Variants in E2F7 observed in about 807,000 individuals in gnomAD.
The protein encoded by E2F7 is transcription factor E2F7.
In E2F7, 35 loss-of-function variants were observed where a neutral mutation model predicts 81.1. That is an observed-to-expected ratio of 0.43 (90% CI 0.33 to 0.57). E2F7 has a LOEUF of 0.57. E2F7 is among the 20% of genes least tolerant of loss of function. The pLI is 0.04. For missense variants in E2F7, 961 were observed against 1,093.7 expected (o/e 0.88, Z 1.71); for synonymous variants, 416 against 416.2 (o/e 1.00, Z 0.01).
In E2F7 at chr12:77,043,069, T is replaced by G. The variant is rs764431999; in HGVS notation, c.1119A>C (p.Ser373=). ...FKWIGPVDFS[S]SDEELVDVSA... ...AGCAAAACCACGCCACCTTACCACTTGAGCTGAAGTCCACAGGCCCGATCC... is the reference window on the plus strand; with the variant it reads ...AGCAAAACCACGCCACCTTACCACTGGAGCTGAAGTCCACAGGCCCGATCC... Residue 373 remains serine (S), a synonymous_variant, in exon 7 of 13, where the codon TCA becomes TCC. Transcript: ENST00000322886. 6.2e-7 allele frequency: 1 copy of G among 1,614,066 alleles called. No homozygotes were observed. Among genetic ancestry groups the G allele is most frequent in the Non-Finnish European group, 8.5e-7 (1 of 1,179,952 alleles).
Position 77,030,000 on chromosome 12 carries a change from T to TCTGACC in E2F7, c.1709_1714dup (p.Gly570_Ser571dup), listed in dbSNP as rs774234769. 1.9e-6 allele frequency: 3 copies of TCTGACC among 1,614,214 alleles called. No individual in the cohort carries two copies. The East Asian group carries it at 6.7e-5, about 36-fold the overall frequency. On this transcript the variant is annotated inframe_insertion, in exon 10 of 13. Coordinates refer to ENST00000322886, the MANE Select transcript of E2F7 (RefSeq NM_203394.3). ...GGCTTCTGAGCTTCTGTCATCCCTC[T>TCTGACC]CTGACCCTGACCCTGACGCTGGTCC...
rs747968358 is a variant in E2F7, at chr12:77,030,279, G to A, written c.1436C>T (p.Pro479Leu). ...AGAGAGGACAGGGAAAGGAGCAACA[G>A]GGTCCAAGCTGCTTGATGGAGGCAC... is the stretch of plus-strand genomic sequence containing the variant. ...RVVPPSSSLD[P>L]VAPFPVLSVD... is the part of the protein sequence containing the mutation. The change falls in exon 10 of 13, where the codon CCT becomes CTT. Residue 479 changes from proline (P) to leucine (L), a missense_variant. Around this residue, in one of 3 missense-constraint regions of E2F7, gnomAD observed 587 missense variants for 620.3 expected, o/e 0.95. Transcript: ENST00000322886. 4 of 1,593,546 alleles carry A rather than the reference G, an allele frequency of 2.5e-6. No homozygotes were observed. In the South Asian group the frequency reaches 3.4e-5, roughly 14 times the overall value.
rs745577385 is a variant in E2F7, at chr12:77,024,093, C to T, written c.2658G>A (p.Lys886=). The T allele has an allele frequency of 1.2e-6, 2 of 1,614,094 alleles. No individual in the cohort carries two copies. Among genetic ancestry groups the T allele is most frequent in the South Asian group, 1.1e-5 (1 of 91,062 alleles). ...TTCGTGACTGGTTCCTTTCTCTTCT[C>T]TTCAGGACAGGGTCTCCAAGGCTGC... The part of the protein sequence containing the change: ...TPGSLGDPVL[K]RRERNQSRNT... The change falls in exon 13 of 13, where the codon AAG becomes AAA. Residue 886 remains lysine (K), a synonymous_variant. Transcript: ENST00000322886.
chr12:77,038,210 T>C (rs890495837), intron 7 of E2F7, among the ~76,000 whole-genome samples: 8 of 152,156 alleles, frequency 5.3e-5, no homozygotes, highest in African/African-American at 1.7e-4. Context: ...ATAATCAAGA[T>C]TTCAATATCC....
chr12:77,027,017 G>A (rs1592553148), intron 11 of E2F7, among the ~76,000 whole-genome samples: 1 of 152,198 alleles, frequency 6.6e-6, no homozygotes, highest in South Asian at 2.1e-4. Context: ...ATTCAGCAGG[G>A]GCTGAATCTA....
intron 2 of E2F7, among the ~76,000 whole-genome samples, chr12:77,063,046 G>A (rs776785890): frequency 2.0e-5 from 3 of 152,070 alleles, no homozygotes; most frequent in Non-Finnish European, 4.4e-5. Flanking sequence ...GAAATCTCAC[G>A]TCATCCTGCT....
chr12:77,034,108 TA>T (rs1954829543), intron 7 of E2F7, 66 bp from the exon 8 acceptor site: 10 of 1,428,346 alleles, frequency 7.0e-6, no homozygotes, highest in Non-Finnish European at 9.5e-6. Context: ...TTCGTCTATT[TA>T]AGAGATGGCT....
intron 7 of E2F7, among the ~76,000 whole-genome samples, chr12:77,040,966 A>T (rs775883080): frequency 1.3e-5 from 2 of 152,222 alleles, no homozygotes; most frequent in Non-Finnish European, 2.9e-5. Flanking sequence ...GGGGTGAAGG[A>T]GAGTGGCTCA....
At position 77,025,973 on chromosome 12, in the gene E2F7, C is replaced by T; in HGVS notation, c.2150G>A (p.Gly717Asp). The T allele has an allele frequency of 1.2e-6, 2 of 1,601,942 alleles. No individual in the cohort carries two copies. The highest frequency in any genetic ancestry group is 8.5e-7 in the Non-Finnish European group (1 of 1,173,956). Residue 717 changes from glycine (G) to aspartate (D), a missense_variant, in exon 12 of 13, where the codon GGT becomes GAT. Around this residue, in one of 3 missense-constraint regions of E2F7, gnomAD observed 587 missense variants for 620.3 expected, o/e 0.95. Transcript: ENST00000322886. ...ACTGCCAGATAAAAGTACATTGAAA[C>T]CATTTAATCCTGAAAGAAAAGCAGA... is the stretch of plus-strand genomic sequence containing the variant. ...LCVQSPAGLN[G>D]FNVLLSGSQT... is the part of the protein sequence containing the mutation.
chr12:77,050,914 C>T (rs989890512), intron 3 of E2F7, among the ~76,000 whole-genome samples, 170 bp from the exon 4 acceptor site: 4 of 151,974 alleles, frequency 2.6e-5, no homozygotes, highest in African/African-American at 9.7e-5. Context: ...TATCTATTGT[C>T]TTCTCTGGAC....
At chr12:77,041,194 ACTTTC>A (rs2120682725) in intron 7 of E2F7, among the ~76,000 whole-genome samples, 1 of 152,070 alleles carries the variant, frequency 6.6e-6, no homozygotes, top group African/African-American at 2.4e-5. Flanking sequence ...CAGCTATCTT[ACTTTC>A]TTCTTTTTTG....
At chr12:77,028,513 G>T (rs1315138569) in intron 10 of E2F7, among the ~76,000 whole-genome samples, 1 of 149,702 alleles carries the variant, frequency 6.7e-6, no homozygotes, top group Non-Finnish European at 1.5e-5. Flanking sequence ...TGTCACCCAG[G>T]CTGGAGTGCA....
At chr12:77,055,090 T>C (rs576801975) in intron 3 of E2F7, among the ~76,000 whole-genome samples, 55 of 152,324 alleles carry the variant, frequency 3.6e-4, no homozygotes, top group African/African-American at 1.2e-3. Context: ...CTGTGTGATT[T>C]GTATTTAGTT....
At chr12:77,038,046 A>C (rs1247274647) in intron 7 of E2F7, among the ~76,000 whole-genome samples, 1 of 152,176 alleles carries the variant, frequency 6.6e-6, no homozygotes, top group African/African-American at 2.4e-5. Context: ...TATCTCCAGG[A>C]ATAAAGAGGG....
chr12:77,029,336 A>G (rs1778658096), intron 10 of E2F7, among the ~76,000 whole-genome samples: 1 of 152,198 alleles, frequency 6.6e-6, no homozygotes, highest in Admixed American at 6.5e-5. Flanking sequence ...GGAGATGTGG[A>G]CAGCTCATAC....
Position 77,064,719 on chromosome 12 carries a change from G to C in E2F7, c.1-84C>G. The C allele has an allele frequency of 5.2e-6, 6 of 1,158,078 alleles. No individual in the cohort carries two copies. In the South Asian group the frequency reaches 8.0e-5, roughly 15 times the overall value. 71.7% of individuals were successfully genotyped at this position (1,158,078 alleles called of 1,614,324 possible). A position where few individuals can be genotyped will look rare whatever the true frequency, so the allele number is the denominator to read the frequency against. The stretch of plus-strand genomic sequence containing the variant: ...AAAAATATCTACATATGTGTTACTT[G>C]TTTGTCAATATGAAATTCCCCCTTC... On this transcript the variant is annotated intron_variant, in intron 1 of 12. Coordinates refer to ENST00000322886, the MANE Select transcript of E2F7 (RefSeq NM_203394.3).
chr12:77,026,283 A>G (rs1954759394), intron 11 of E2F7, among the ~76,000 whole-genome samples: 1 of 152,080 alleles, frequency 6.6e-6, no homozygotes, highest in Admixed American at 6.6e-5. Flanking sequence ...TTACATCTTT[A>G]TTTTTATTTA....
Position 77,033,624 on chromosome 12 carries a change from G to C in E2F7, c.1309+233C>G, listed in dbSNP as rs143920753. Among the ~76,000 whole-genome samples the C allele has an allele frequency of 3.2e-3, 490 of 152,338 alleles. 4 individuals are homozygous for C. The highest frequency in any genetic ancestry group is 0.027 in the Middle Eastern group (8 of 294). On this transcript the variant is annotated intron_variant, in intron 8 of 12. Coordinates refer to ENST00000322886, the MANE Select transcript of E2F7 (RefSeq NM_203394.3). The stretch of plus-strand genomic sequence containing the variant: ...CTATGCCAAACCAATTGGTCTACAA[G>C]GTGACTAGGATCAATTTTAGGCAAG...
chr12:77,044,550 T>A, intron 6 of E2F7, 87 bp downstream of exon 6: 1 of 1,490,984 alleles, frequency 6.7e-7, no homozygotes, highest in Non-Finnish European at 9.1e-7. Flanking sequence ...ACAATATATA[T>A]ATTTTTAATC....
Sources: gnomAD v4.1 joint callset for allele counts (sites outside exome capture counted in the v4.1 genomes callset) on GRCh38, gnomAD v4.1.1 for gene constraint, gnomAD v4.1.1 regional missense constraint, MANE v1.5 for transcripts, NCBI Gene and HGNC (gene_info 2026-07-23, HGNC 2026-07-21) for gene names.